Variants in SMARCA2 observed in about 807,000 individuals in gnomAD.
SMARCA2 encodes SWI/SNF related BAF chromatin remodeling complex subunit ATPase 2, also known as SWI/SNF-related matrix-associated actin-dependent regulator of chromatin subfamily A member 2.
SMARCA2 carries 61 observed loss-of-function variants against 199.8 expected under a neutral mutation model. That is an observed-to-expected ratio of 0.31 (90% CI 0.25 to 0.38). The LOEUF (loss-of-function observed/expected upper bound fraction) is 0.38. SMARCA2 is among the 10% of genes least tolerant of loss of function. The pLI is 1.00. For missense variants in SMARCA2, 1,344 were observed against 2,012.2 expected, an observed-to-expected ratio of 0.67 and a Z score of 6.35; for synonymous variants, 935 against 732.0, an observed-to-expected ratio of 1.28 and a Z score of -4.48.
At chr9:2,102,521 T>C (rs1364978664) in intron 22 of SMARCA2, among the ~76,000 whole-genome samples, 1 of 152,164 alleles carries the variant, frequency 6.6e-6, no homozygotes, top group Non-Finnish European at 1.5e-5. Context: ...GTACTATAGA[T>C]TACATGTGCA....
At chr9:2,022,821 G>A (rs569291649) in intron 1 of SMARCA2, among the ~76,000 whole-genome samples, 1 of 152,278 alleles carries the variant, frequency 6.6e-6, no homozygotes, top group South Asian at 2.1e-4. Context: ...TTACCTTTCA[G>A]GGTGTCATGA....
At chr9:2,158,971 G>A in intron 27 of SMARCA2, 1 of 1,612,116 alleles carries the variant, frequency 6.2e-7, no homozygotes, top group Non-Finnish European at 8.5e-7. Context: ...AGTTTGAGGG[G>A]AATAATGGTC....
At chr9:2,103,457 A>T (rs1822615543) in intron 22 of SMARCA2, among the ~76,000 whole-genome samples, 1 of 152,232 alleles carries the variant, frequency 6.6e-6, no homozygotes, top group South Asian at 2.1e-4. Context: ...GTTTGTAATT[A>T]TCCATTTAGT....
chr9:2,036,745 T>C (rs1200459030), intron 3 of SMARCA2, among the ~76,000 whole-genome samples: 1 of 152,206 alleles, frequency 6.6e-6, no homozygotes, highest in Non-Finnish European at 1.5e-5. Context: ...CTGATCAAAT[T>C]TGAGGTAGGA....
chr9:2,066,905 T>C (rs1820862823), intron 9 of SMARCA2, among the ~76,000 whole-genome samples: 1 of 152,222 alleles, frequency 6.6e-6, no homozygotes, highest in Non-Finnish European at 1.5e-5. Context: ...TGGGTGTTAA[T>C]TTTGAACCAA....
At position 2,039,480 on chromosome 9, in the gene SMARCA2, C is replaced by G; in HGVS notation, c.370C>G (p.His124Asp). Reference protein sequence around the residue: ...DQHSQGYMSPHPSPLGAPEHV... With the variant: ...DQHSQGYMSPDPSPLGAPEHV... ...TTTTATTTTAGGTTATATGTCACCA[C>G]ACCCATCTCCATTAGGAGCCCCAGA... The change falls in exon 4 of 34, where the codon CAC becomes GAC. Residue 124 changes from histidine to aspartate, a missense_variant. His to Asp is a moderately conservative substitution (Grantham distance 81). Around this residue, in one of 18 missense-constraint regions of SMARCA2, gnomAD observed 275 missense variants for 247.5 expected, o/e 1.11. Transcript: ENST00000349721. This position sits in a 1 kb window ranked among gnomAD's most constrained non-coding sequence, Gnocchi z 4.8. The G allele has an allele frequency of 6.2e-7, 1 of 1,613,832 alleles. No homozygotes were observed. Among genetic ancestry groups the G allele is most frequent in the Non-Finnish European group, 8.5e-7 (1 of 1,179,878 alleles).
intron 2 of SMARCA2, among the ~76,000 whole-genome samples, chr9:2,031,696 G>C (rs904869824): frequency 1.3e-5 from 2 of 152,188 alleles, no homozygotes; most frequent in African/African-American, 4.8e-5. Context: ...CATTCTGTGA[G>C]TTTTGCATTT....
In SMARCA2 at chr9:2,056,889, T is replaced by A. The variant is rs1205571065; in HGVS notation, c.1347+44T>A. ...TTGCTCACCCTCACTTTGGCAGAGCTGTCCAATGAATTCATCAAATGGGGT... is the reference window on the plus strand; with the variant it reads ...TTGCTCACCCTCACTTTGGCAGAGCAGTCCAATGAATTCATCAAATGGGGT... On this transcript the variant is annotated intron_variant, in intron 7 of 33. Coordinates refer to ENST00000349721, the MANE Select transcript of SMARCA2 (RefSeq NM_003070.5). This position sits in a 1 kb window ranked among gnomAD's most constrained non-coding sequence, Gnocchi z 4.0. 1 of 1,572,456 alleles carries A rather than the reference T, an allele frequency of 6.4e-7. No homozygotes were observed. The highest frequency in any genetic ancestry group is 8.7e-7 in the Non-Finnish European group (1 of 1,152,484).
intron 2 of SMARCA2, among the ~76,000 whole-genome samples, chr9:2,030,413 A>G (rs1411706241): frequency 6.6e-6 from 1 of 152,106 alleles, no homozygotes; most frequent in Non-Finnish European, 1.5e-5. Context: ...AACCAGGAGA[A>G]CTGATGATGT....
At chr9:2,044,172 C>T (rs1819732553) in intron 4 of SMARCA2, 1 of 152,208 alleles carries the variant, frequency 6.6e-6, no homozygotes, top group South Asian at 2.1e-4. Flanking sequence ...AGGCTAATTG[C>T]AGCAAGCTGT....
intron 4 of SMARCA2, among the ~76,000 whole-genome samples, chr9:2,046,515 G>A (rs1288059765): frequency 6.6e-6 from 1 of 152,180 alleles, no homozygotes; most frequent in African/African-American, 2.4e-5. Context: ...AAAAATTTAA[G>A]TTCCCAGACT....
chr9:2,133,503 G>T (rs1267017599), intron 27 of SMARCA2, among the ~76,000 whole-genome samples: 1 of 151,856 alleles, frequency 6.6e-6, no homozygotes, highest in East Asian at 1.9e-4. Flanking sequence ...GGCTGGTCTT[G>T]AACTCCTGCC....
intron 24 of SMARCA2, among the ~76,000 whole-genome samples, chr9:2,111,491 C>CAAA (rs148112929): frequency 5.1e-4 from 44 of 86,912 alleles, no homozygotes; most frequent in Non-Finnish European, 8.7e-4. Context: ...GACCGTGTCT[C>CAAA]AAAAAAAAAA....
In SMARCA2 at chr9:2,056,964, C is replaced by A; in HGVS notation, c.1347+119C>A. ...TGTGGGTGGTGGGGACATCACAGAA[C>A]AGAACGGTTCCTTGACATGTACATA... On this transcript the variant is annotated intron_variant, in intron 7 of 33. Coordinates refer to ENST00000349721, the MANE Select transcript of SMARCA2 (RefSeq NM_003070.5). This position sits in a 1 kb window ranked among gnomAD's most constrained non-coding sequence, Gnocchi z 4.0. 1 of 812,430 alleles carries A rather than the reference C, an allele frequency of 1.2e-6. No individual in the cohort carries two copies. Among genetic ancestry groups the A allele is most frequent in the Non-Finnish European group, 1.9e-6 (1 of 520,028 alleles). 50.3% of individuals were successfully genotyped at this position (812,430 alleles called of 1,614,324 possible). A position where few individuals can be genotyped will look rare whatever the true frequency, so the allele number is the denominator to read the frequency against.
intron 13 of SMARCA2, 100 bp from the exon 14 acceptor site, chr9:2,077,529 A>T: frequency 2.7e-6 from 3 of 1,129,770 alleles, no homozygotes; most frequent in Admixed American, 1.9e-5. Flanking sequence ...AAACACACTT[A>T]TTGCAGCTAT....
intron 9 of SMARCA2, among the ~76,000 whole-genome samples, chr9:2,065,810 G>C (rs1163534983): frequency 6.6e-6 from 1 of 152,142 alleles, no homozygotes; most frequent in Non-Finnish European, 1.5e-5. Context: ...CTGGACATTT[G>C]AGTGTAGGAA....
At chr9:2,148,236 T>A (rs1824867759) in intron 27 of SMARCA2, among the ~76,000 whole-genome samples, 4 of 151,600 alleles carry the variant, frequency 2.6e-5, no homozygotes, top group African/African-American at 7.2e-5. Context: ...TTAATGTAGC[T>A]CCAGTAATAA....
intron 32 of SMARCA2, among the ~76,000 whole-genome samples, chr9:2,186,999 G>A (rs539857986): frequency 3.9e-5 from 6 of 152,282 alleles, no homozygotes; most frequent in East Asian, 1.9e-4. Context: ...CTGAGAATCC[G>A]TATTTCTGGC....
At chr9:2,074,942 A>G (rs1192436256) in intron 12 of SMARCA2, 28 of 152,222 alleles carry the variant, frequency 1.8e-4, no homozygotes, top group Admixed American at 1.8e-3. Context: ...TCTCTAAGAT[A>G]TTTAAAGGTG....
Sources: allele counts gnomAD v4.1 joint callset (sites outside exome capture counted in the v4.1 genomes callset), GRCh38; gene constraint gnomAD v4.1.1; regional missense constraint gnomAD v4.1.1; non-coding constraint Gnocchi (gnomAD v3.1); transcripts MANE v1.5; gene names NCBI Gene and HGNC (gene_info 2026-07-23, HGNC 2026-07-21).